IGF2BP3: variants seen among roughly 807,000 people sequenced by gnomAD.
IGF2BP3 encodes insulin-like growth factor 2 mRNA-binding protein 3.
A neutral mutation model predicts 73.8 loss-of-function variants in IGF2BP3; 9 were observed. The observed-to-expected ratio is 0.12, with a 90% confidence interval of 0.07 to 0.21. The LOEUF is 0.21. IGF2BP3 is among the 10% of genes least tolerant of loss of function. The pLI is 1.00. For missense variants in IGF2BP3, 542 were observed against 714.0 expected, an observed-to-expected ratio of 0.76 and a Z score of 2.75; for synonymous variants, 258 against 256.7, an observed-to-expected ratio of 1.01 and a Z score of -0.05.
chr7:23,452,043 C>A (rs535933287), intron 2 of IGF2BP3, among the ~76,000 whole-genome samples: 89 of 149,816 alleles, frequency 5.9e-4, no homozygotes, highest in South Asian at 1.5e-3. Context: ...CTCCCGCTGT[C>A]ACCAAGGCTG....
At chr7:23,381,124 C>A (rs187708568) in intron 3 of IGF2BP3, among the ~76,000 whole-genome samples, 1 of 152,346 alleles carries the variant, frequency 6.6e-6, no homozygotes, top group East Asian at 1.9e-4. Context: ...TCCCACACAG[C>A]AATGGAGAAA....
rs1416117376 is a variant in IGF2BP3, at chr7:23,310,495, A to G, written c.*1867T>C. 2 of 151,962 alleles carry G rather than the reference A, an allele frequency of 1.3e-5. No homozygotes were observed. The highest frequency in any genetic ancestry group is 2.0e-4 in the East Asian group (1 of 4,998). 9.4% of individuals were successfully genotyped at this position (151,962 alleles called of 1,614,324 possible). ...ATTTTTAAAAAATCAAATATTGGGGAAAAAAATCAAATACTGAGAAAAGCT... is the reference window on the plus strand; with the variant it reads ...ATTTTTAAAAAATCAAATATTGGGGGAAAAAATCAAATACTGAGAAAAGCT... On this transcript the variant is annotated 3_prime_UTR_variant, in exon 15 of 15. Transcript: ENST00000258729.
At chr7:23,341,663 G>A (rs1022218886) in intron 10 of IGF2BP3, among the ~76,000 whole-genome samples, 5 of 151,696 alleles carry the variant, frequency 3.3e-5, no homozygotes, top group African/African-American at 1.2e-4. Flanking sequence ...GAGTGGGACT[G>A]TGTCTCCAAA....
At chr7:23,401,852 T>C (rs549222821) in intron 3 of IGF2BP3, among the ~76,000 whole-genome samples, 2 of 152,200 alleles carry the variant, frequency 1.3e-5, no homozygotes, top group African/African-American at 4.8e-5. Flanking sequence ...GTAAAGCCTG[T>C]AATCCCAGGA....
intron 3 of IGF2BP3, among the ~76,000 whole-genome samples, chr7:23,380,703 C>G (rs1438027692): frequency 1.3e-5 from 2 of 152,166 alleles, no homozygotes; most frequent in African/African-American, 2.4e-5. Context: ...GAATATAGCT[C>G]TAATCCAATG....
intron 8 of IGF2BP3, among the ~76,000 whole-genome samples, chr7:23,345,668 T>C (rs1304444499): frequency 5.3e-5 from 8 of 152,260 alleles, no homozygotes; most frequent in Non-Finnish European, 1.2e-4. Context: ...GGTTATATAT[T>C]CCAACTTTGG....
At chr7:23,431,781 G>A (rs1018647935) in intron 2 of IGF2BP3, among the ~76,000 whole-genome samples, 4 of 152,070 alleles carry the variant, frequency 2.6e-5, no homozygotes, top group Non-Finnish European at 5.9e-5. Context: ...GACTTAAATC[G>A]TAATTTCTGG....
At chr7:23,419,124 C>A (rs374924914) in intron 2 of IGF2BP3, among the ~76,000 whole-genome samples, 5 of 152,150 alleles carry the variant, frequency 3.3e-5, no homozygotes, top group East Asian at 1.9e-4. Flanking sequence ...AGTTCAAATC[C>A]GTTAGCTTCA....
intron 6 of IGF2BP3, 46 bp downstream of exon 6, chr7:23,351,259 C>T: frequency 6.2e-7 from 1 of 1,602,504 alleles, no homozygotes; most frequent in South Asian, 1.1e-5. Flanking sequence ...ACTAAGATTC[C>T]AAGGGGAATT....
In IGF2BP3 at chr7:23,312,369, C is replaced by T. The variant is rs756004531; in HGVS notation, c.1733G>A (p.Arg578Gln). Residue 578 changes from arginine to glutamine, a missense_variant, in exon 15 of 15, where the codon CGG (arginine) becomes CAG (glutamine). By Grantham distance (43) the Arg-to-Gln change is conservative. Around this residue, in one of 2 missense-constraint regions of IGF2BP3, gnomAD observed 303 missense variants for 472.1 expected, o/e 0.64. Coordinates refer to ENST00000258729, the MANE Select transcript of IGF2BP3 (RefSeq NM_006547.3). ...GGGCTGTTTCCTGAGCCTTTACTTC[C>T]GTCTTGACTGAGGTGGTCCACTTTG... ...ALQSGPPQSR[R>Q]K 19 of 1,610,238 alleles carry T rather than the reference C, an allele frequency of 1.2e-5. No homozygotes were observed. Among genetic ancestry groups the T allele is most frequent in the African/African-American group, 8.0e-5 (6 of 74,800 alleles).
At chr7:23,382,807 G>A (rs1218937278) in intron 3 of IGF2BP3, among the ~76,000 whole-genome samples, 3 of 151,230 alleles carry the variant, frequency 2.0e-5, no homozygotes, top group African/African-American at 7.3e-5. Context: ...GGCCAACGCA[G>A]GGGTGGAGGG....
chr7:23,410,140 G>C (rs911599194), intron 3 of IGF2BP3, among the ~76,000 whole-genome samples: 26 of 152,110 alleles, frequency 1.7e-4, no homozygotes, highest in African/African-American at 5.3e-4. Flanking sequence ...TTGCACTCCA[G>C]CCTGGGTGAC....
At chr7:23,433,081 T>C (rs1211922080) in intron 2 of IGF2BP3, among the ~76,000 whole-genome samples, 1 of 152,212 alleles carries the variant, frequency 6.6e-6, no homozygotes, top group East Asian at 1.9e-4. Flanking sequence ...TAACACAATA[T>C]AGTAAATTGT....
At chr7:23,435,267 C>G (rs1020107542) in intron 2 of IGF2BP3, among the ~76,000 whole-genome samples, 1 of 128,188 alleles carries the variant, frequency 7.8e-6, no homozygotes, top group African/African-American at 3.0e-5. Context: ...CACTCCAGCC[C>G]AGGCGACAGA....
At chr7:23,356,445 T>C (rs1178638813) in intron 5 of IGF2BP3, among the ~76,000 whole-genome samples, 1 of 152,094 alleles carries the variant, frequency 6.6e-6, no homozygotes, top group African/African-American at 2.4e-5. Flanking sequence ...TAGTCCCAGC[T>C]ACTTGGGAGG....
At chr7:23,314,234 G>A (rs981782959) in intron 12 of IGF2BP3, among the ~76,000 whole-genome samples, 5 of 150,906 alleles carry the variant, frequency 3.3e-5, no homozygotes, top group African/African-American at 9.8e-5. Context: ...CCAGGCTGGA[G>A]TGCAGTGGCA....
chr7:23,378,764 G>A (rs1012407544), intron 3 of IGF2BP3, among the ~76,000 whole-genome samples: 9 of 151,728 alleles, frequency 5.9e-5, no homozygotes, highest in African/African-American at 2.2e-4. Context: ...AGTAGAGACG[G>A]GGTTTCACCA....
At chr7:23,319,920 T>A (rs1784089241) in intron 10 of IGF2BP3, among the ~76,000 whole-genome samples, 1 of 151,898 alleles carries the variant, frequency 6.6e-6, no homozygotes. Context: ...TCCCTTTGCT[T>A]TTTTTTTGAG....
At chr7:23,446,618 T>G (rs1475397951) in intron 2 of IGF2BP3, among the ~76,000 whole-genome samples, 1 of 152,126 alleles carries the variant, frequency 6.6e-6, no homozygotes, top group African/African-American at 2.4e-5. Context: ...AAGCCACTAT[T>G]TGACAGCCAC....
Sources: gnomAD v4.1 joint callset for allele counts (sites outside exome capture counted in the v4.1 genomes callset) on GRCh38, gnomAD v4.1.1 for gene constraint, gnomAD v4.1.1 regional missense constraint, MANE v1.5 for transcripts, NCBI Gene and HGNC (gene_info 2026-07-23, HGNC 2026-07-21) for gene names.